Variants in ANK3 observed in about 807,000 individuals in gnomAD.
ANK3 encodes ankyrin 3, also known as ankyrin-3.
Under a neutral mutation model 370.9 loss-of-function variants are expected in ANK3, and 57 were observed. The ratio of observed to expected loss-of-function variants is 0.15; its 90% CI spans 0.12 to 0.19. The LOEUF is 0.19. Among genes scored for constraint, ANK3 ranks in the 10% least tolerant of loss-of-function variants. The pLI is 1.00. For missense variants in ANK3, 4,439 were observed against 5,302.1 expected (o/e 0.84, Z 5.06); for synonymous variants, 1,929 against 1,946.3 (o/e 0.99, Z 0.23).
chr10:60,254,239 T>TC (rs2097705802), intron 7 of ANK3, among the ~76,000 whole-genome samples: 1 of 148,730 alleles, frequency 6.7e-6, no homozygotes, highest in Non-Finnish European at 1.5e-5. Context: ...ATTGTTTTTT[T>TC]TTTCCCCCCA....
chr10:60,239,509 A>G (rs1299050064), intron 7 of ANK3, among the ~76,000 whole-genome samples: 1 of 152,236 alleles, frequency 6.6e-6, no homozygotes, highest in African/African-American at 2.4e-5. Flanking sequence ...ACTGTCAAAT[A>G]AGAATTCTAC....
chr10:60,456,408 C>T (rs1405823709), intron 2 of ANK3, among the ~76,000 whole-genome samples: 1 of 152,134 alleles, frequency 6.6e-6, no homozygotes, highest in Admixed American at 6.6e-5. Flanking sequence ...CTATTTTCCC[C>T]ATGAGTAAGA....
chr10:60,695,842 C>T (rs576870420), intron 1 of ANK3, among the ~76,000 whole-genome samples: 1 of 152,034 alleles, frequency 6.6e-6, no homozygotes, highest in South Asian at 2.1e-4. Context: ...ATTAAAAGAA[C>T]TAGAAAAGCA....
chr10:60,050,545 C>T (rs904401267), intron 42 of ANK3: 1 of 152,196 alleles, frequency 6.6e-6, no homozygotes, highest in Non-Finnish European at 1.5e-5. Context: ...CTTCCTCTTT[C>T]TCTCTAGGGC....
Position 60,069,980 on chromosome 10 carries a change from A to G in ANK3, c.10901T>C (p.Ile3634Thr), listed in dbSNP as rs1264496652. The G allele has an allele frequency of 2.5e-6, 4 of 1,614,006 alleles. No individual in the cohort carries two copies. Among genetic ancestry groups the G allele is most frequent in the Admixed American group, 1.7e-5 (1 of 59,996 alleles). The change falls in exon 37 of 44, where the codon ATT (isoleucine) becomes ACT (threonine). Residue 3634 changes from isoleucine (I) to threonine (T), a missense_variant. Physicochemically the swap from Ile to Thr is moderately conservative, Grantham distance 89. Coordinates refer to ENST00000280772, the MANE Select transcript of ANK3 (RefSeq NM_020987.5). ...CTTCCCTTCAGAAGTATGCTCACCAATCTGGAAAAATTGGAGCCTCTCTTC... is the reference window on the plus strand; with the variant it reads ...CTTCCCTTCAGAAGTATGCTCACCAGTCTGGAAAAATTGGAGCCTCTCTTC... ...FVEERLQFFQ[I>T]GEHTSEGKSG... is the part of the protein sequence containing the mutation.
At chr10:60,384,641 G>A (rs1007168578) in intron 1 of ANK3, among the ~76,000 whole-genome samples, 1 of 152,134 alleles carries the variant, frequency 6.6e-6, no homozygotes, top group African/African-American at 2.4e-5. Flanking sequence ...TCTGTAAGAT[G>A]GGGATAATAA....
At chr10:60,633,174 T>C (rs2078507827) in intron 1 of ANK3, among the ~76,000 whole-genome samples, 1 of 152,204 alleles carries the variant, frequency 6.6e-6, no homozygotes, top group Non-Finnish European at 1.5e-5. Context: ...TAAATCCAAG[T>C]TTAGCAGGTA....
intron 1 of ANK3, among the ~76,000 whole-genome samples, chr10:60,339,127 A>C (rs2053690305): frequency 6.6e-6 from 1 of 152,150 alleles, no homozygotes. Flanking sequence ...AGCATGATTA[A>C]AAGGTTCAGA....
At chr10:60,168,094 C>T (rs1393888745) in intron 21 of ANK3, among the ~76,000 whole-genome samples, 4 of 152,150 alleles carry the variant, frequency 2.6e-5, no homozygotes, top group South Asian at 2.1e-4. Context: ...GGCACAATCT[C>T]GGCTTGCTGC....
At chr10:60,695,488 C>A (rs1273581245) in intron 1 of ANK3, among the ~76,000 whole-genome samples, 1 of 152,054 alleles carries the variant, frequency 6.6e-6, no homozygotes, top group Non-Finnish European at 1.5e-5. Flanking sequence ...CAAAATTGAC[C>A]ACATACTTCG....
chr10:60,360,006 G>A (rs2058348520), intron 1 of ANK3, among the ~76,000 whole-genome samples: 1 of 152,094 alleles, frequency 6.6e-6, no homozygotes, highest in Non-Finnish European at 1.5e-5. Context: ...CCAAACTTCT[G>A]AACTAGTATA....
At chr10:60,666,610 T>G (rs2078999208) in intron 1 of ANK3, among the ~76,000 whole-genome samples, 1 of 152,138 alleles carries the variant, frequency 6.6e-6, no homozygotes, top group South Asian at 2.1e-4. Context: ...AAAAATATAT[T>G]AATAGGTTTC....
chr10:60,713,955 G>T (rs778323815), intron 1 of ANK3, among the ~76,000 whole-genome samples: 1 of 151,736 alleles, frequency 6.6e-6, no homozygotes, highest in African/African-American at 2.4e-5. Flanking sequence ...AAAAAAGCTG[G>T]GTCTTTGCAA....
At chr10:60,414,049 A>G (rs1225608721) in intron 2 of ANK3, among the ~76,000 whole-genome samples, 1 of 152,202 alleles carries the variant, frequency 6.6e-6, no homozygotes, top group Non-Finnish European at 1.5e-5. Context: ...GTAATTCATG[A>G]AAGTTGAACA....
At chr10:60,289,901 C>A (rs535334911) in intron 1 of ANK3, among the ~76,000 whole-genome samples, 1 of 152,180 alleles carries the variant, frequency 6.6e-6, no homozygotes, top group Admixed American at 6.5e-5. Context: ...AAGGCCCATT[C>A]TTCTGTGTTT....
At chr10:60,213,097 G>A (rs75831230) in intron 9 of ANK3, among the ~76,000 whole-genome samples, 2,431 of 152,232 alleles carry the variant, frequency 0.016, 56 homozygotes, top group Admixed American at 0.069. Context: ...GTTAGAGAGT[G>A]TAGAACTTTA....
At chr10:60,045,033 C>A (rs2076715280) in intron 42 of ANK3, among the ~76,000 whole-genome samples, 2 of 152,152 alleles carry the variant, frequency 1.3e-5, no homozygotes, top group Non-Finnish European at 2.9e-5. Context: ...AAGATGATAT[C>A]TTCTGATCTA....
rs1164688644 is a variant in ANK3 at position 60,108,877 on chromosome 10, T to G, written c.3126A>C (p.Leu1042Phe). 6.2e-7 allele frequency: 1 copy of G among 1,614,132 alleles called. No homozygotes were observed. Among genetic ancestry groups the G allele is most frequent in the Non-Finnish European group, 8.5e-7 (1 of 1,179,968 alleles). The change falls in exon 27 of 44, where the codon TTA becomes TTC. Residue 1042 changes from leucine (L) to phenylalanine (F), a missense_variant. Physicochemically the swap from Leu to Phe is conservative, Grantham distance 22 (BLOSUM62 0). Coordinates refer to ENST00000280772, the MANE Select transcript of ANK3 (RefSeq NM_020987.5). ...GACCCATTTCTACCAGCCTACTGGC[T>G]AATCCCTCTCCTTCCACCATGGGGG... ...NPPPMVEGEG[L>F]ASRLVEMGPA...
In ANK3 at chr10:60,076,177, T is replaced by C. The variant is rs770166018; in HGVS notation, c.4704A>G (p.Ala1568=). The C allele has an allele frequency of 7.4e-6, 12 of 1,614,078 alleles. No homozygotes were observed. Among genetic ancestry groups the C allele is most frequent in the Non-Finnish European group, 7.6e-6 (9 of 1,180,006 alleles). ...TTGTCCGAAAGGATCTAATTGGAGA[T>C]GCCACGTCACTAATGGATTTAACTG... ...TSSVKSISDV[A]SPIRSFRTMS... Residue 1568 remains alanine, a synonymous_variant, in exon 37 of 44, where the codon GCA becomes GCG. Coordinates refer to ENST00000280772, the MANE Select transcript of ANK3 (RefSeq NM_020987.5).
Sources: allele counts gnomAD v4.1 joint callset (sites outside exome capture counted in the v4.1 genomes callset), GRCh38; gene constraint gnomAD v4.1.1; transcripts MANE v1.5; gene names NCBI Gene and HGNC (gene_info 2026-07-23, HGNC 2026-07-21).